The following COMMD6 variants were observed in gnomAD, a reference collection of about 807,000 sequenced individuals.
The protein encoded by COMMD6 is COMM domain-containing protein 6.
Under a neutral mutation model 13.4 loss-of-function variants are expected in COMMD6, and 11 were observed. That is an observed-to-expected ratio of 0.82 (90% CI 0.52 to 1.36). The LOEUF is 1.36. COMMD6 is among the 40% of genes most tolerant of loss of function. COMMD6 has a pLI of 0.00. For synonymous variants in COMMD6, 43 were observed against 36.5 expected, an observed-to-expected ratio of 1.18 and a Z score of -0.64; for missense variants, 124 against 102.4, an observed-to-expected ratio of 1.21 and a Z score of -0.91.
upstream of COMMD6, among the ~76,000 whole-genome samples, chr13:75,543,686 T>C (rs1418106727): frequency 1.3e-5 from 2 of 152,192 alleles, no homozygotes; most frequent in African/African-American, 4.8e-5. Context: ...GCTGTAAAAA[T>C]AGAGCTATCA....
intron 2 of COMMD6, chr13:75,537,448 G>A (rs1335377685): frequency 6.4e-7 from 1 of 1,551,278 alleles, no homozygotes; most frequent in African/African-American, 1.4e-5. Flanking sequence ...GCATTCTTCG[G>A]GCTAGTGCAG....
At chr13:75,537,939 T>G, upstream of COMMD6, 1 of 825,304 alleles carries the variant, frequency 1.2e-6, no homozygotes, top group Non-Finnish European at 1.9e-6. Flanking sequence ...AGCATCTTTA[T>G]GTGACTCATA....
chr13:75,544,999 G>A lies in COMMD6; in HGVS notation n.106+4324C>T, dbSNP rs1394304228. On this transcript the variant is annotated intron_variant and non_coding_transcript_variant, in intron 1 of 2. Transcript: ENST00000460675. ...TGGTTTAGAGAAACACAGCTAGATAGTCATGATTTCTGATCAAGTGTGGAG... is the reference window on the plus strand; with the variant it reads ...TGGTTTAGAGAAACACAGCTAGATAATCATGATTTCTGATCAAGTGTGGAG... Among the ~76,000 whole-genome samples, 4 of 151,420 alleles carry A rather than the reference G, an allele frequency of 2.6e-5. 1 individual carries two copies. In the Middle Eastern group the frequency reaches 0.01, roughly 392 times the overall value.
intron 3 of COMMD6, among the ~76,000 whole-genome samples, chr13:75,528,126 A>C (rs1189352598): frequency 6.6e-6 from 1 of 151,962 alleles, no homozygotes; most frequent in South Asian, 2.1e-4. Flanking sequence ...TACACAATGT[A>C]TATCTTTTAT....
chr13:75,547,610 C>T (rs2030925336), intron 1 of COMMD6, among the ~76,000 whole-genome samples: 1 of 152,168 alleles, frequency 6.6e-6, no homozygotes, highest in Admixed American at 6.5e-5. Flanking sequence ...CTGAGACATG[C>T]TGCCCTCAAT....
At chr13:75,540,771 T>C (rs1485048713), upstream of COMMD6, among the ~76,000 whole-genome samples, 3 of 152,220 alleles carry the variant, frequency 2.0e-5, no homozygotes, top group African/African-American at 7.2e-5. Flanking sequence ...GTAGAACATA[T>C]GTCAGAAAAT....
chr13:75,545,838 A>G (rs966186320), intron 1 of COMMD6, among the ~76,000 whole-genome samples: 1 of 152,144 alleles, frequency 6.6e-6, no homozygotes, highest in African/African-American at 2.4e-5. Context: ...TTGCAGGTGC[A>G]TGCATGAACT....
In COMMD6 at chr13:75,526,368, C is replaced by G. The variant is rs145257690; in HGVS notation, c.*221G>C. 39 of 462,228 alleles carry G rather than the reference C, an allele frequency of 8.4e-5. No individual in the cohort carries two copies. Among genetic ancestry groups the G allele is most frequent in the African/African-American group, 6.0e-4 (30 of 50,238 alleles). 28.6% of individuals were successfully genotyped at this position (462,228 alleles called of 1,614,324 possible). ...TTCACATTATCACCAAGTATATCCT[C>G]TAAAGTGTCTAATTATCACTTTTAT... On this transcript the variant is annotated 3_prime_UTR_variant, in exon 4 of 4. Transcript: ENST00000682242.
intron 3 of COMMD6, among the ~76,000 whole-genome samples, chr13:75,529,476 G>C (rs1392566522): frequency 2.7e-5 from 4 of 147,216 alleles, no homozygotes; most frequent in Admixed American, 2.1e-4. Flanking sequence ...AGCCAAGATC[G>C]TGCCACTGCA....
rs571411778 is a variant in COMMD6, at chr13:75,525,953, C to T, written c.*636G>A. The stretch of plus-strand genomic sequence containing the variant: ...ACTTGTGCTAACGGGTTAACTCCGT[C>T]GTACAGAACTCAGACTAAAACTCGT... On this transcript the variant is annotated 3_prime_UTR_variant, in exon 4 of 4. Coordinates refer to ENST00000682242, the MANE Select transcript of COMMD6 (RefSeq NM_203495.4). 1.3e-5 allele frequency: 2 copies of T among 152,300 alleles called. No homozygotes were observed. The highest frequency in any genetic ancestry group is 1.9e-4 in the East Asian group (1 of 5,188). The allele number at this position is 152,300 out of a possible 1,614,324, so 9.4% of individuals were successfully genotyped here.
At chr13:75,533,422 G>GC (rs1313571369) in intron 2 of COMMD6, among the ~76,000 whole-genome samples, 1 of 151,986 alleles carries the variant, frequency 6.6e-6, no homozygotes, top group Non-Finnish European at 1.5e-5. Flanking sequence ...ACAAAAAGTA[G>GC]CCAGGTGTGG....
At chr13:75,539,755 G>A (rs1011759678), upstream of COMMD6, among the ~76,000 whole-genome samples, 1 of 152,028 alleles carries the variant, frequency 6.6e-6, no homozygotes, top group Admixed American at 6.6e-5. Context: ...TCCCTGGCAT[G>A]TAGCACTCGG....
intron 1 of COMMD6, among the ~76,000 whole-genome samples, chr13:75,548,580 G>A (rs1274957199): frequency 1.3e-5 from 2 of 152,110 alleles, no homozygotes; most frequent in East Asian, 1.9e-4. Context: ...TCTTTAATCT[G>A]TGCCTTTCTC....
chr13:75,526,707 A>G (rs2030276817), intron 3 of COMMD6, 68 bp from the exon 4 acceptor site: 2 of 1,047,162 alleles, frequency 1.9e-6, no homozygotes, highest in Admixed American at 1.8e-5. Context: ...TATTTTAATT[A>G]TATCTGACTA....
At chr13:75,547,664 T>A (rs1401977656) in intron 1 of COMMD6, among the ~76,000 whole-genome samples, 1 of 152,192 alleles carries the variant, frequency 6.6e-6, no homozygotes. Context: ...GGTTAAACTG[T>A]ATAAACCATA....
rs140664266 is a variant in COMMD6, at chr13:75,535,340, A to T, written c.54+2324T>A. Among the ~76,000 whole-genome samples, 156 of 152,352 alleles carry T rather than the reference A, an allele frequency of 1.0e-3. 1 individual carries two copies. The highest frequency in any genetic ancestry group is 3.5e-3 in the African/African-American group (147 of 41,582). The stretch of plus-strand genomic sequence containing the variant: ...CCAGTGTGACAAGAATCTCTTAAAA[A>T]GCTCTGAGTAGCGGAGATACCTGGT... On this transcript the variant is annotated intron_variant, in intron 2 of 3. Transcript: ENST00000682242.
chr13:75,537,239 C>T (rs887539281), intron 2 of COMMD6: 59 of 1,333,072 alleles, frequency 4.4e-5, no homozygotes, highest in Non-Finnish European at 5.8e-5. Context: ...AAGTCAAATT[C>T]ATATTCCTAG....
upstream of COMMD6, among the ~76,000 whole-genome samples, chr13:75,540,373 G>GACACAC (rs2030810261): frequency 1.0e-5 from 1 of 97,460 alleles, no homozygotes; most frequent in Non-Finnish European, 2.3e-5. Context: ...CACACACACA[G>GACACAC]ACACACACCC....
chr13:75,538,411 A>G (rs1442963077), upstream of COMMD6, among the ~76,000 whole-genome samples: 3 of 152,220 alleles, frequency 2.0e-5, no homozygotes, highest in Non-Finnish European at 4.4e-5. Context: ...AAGTATCCAC[A>G]GTGATGTTTT....
Sources: gnomAD v4.1 joint callset for allele counts (sites outside exome capture counted in the v4.1 genomes callset) on GRCh38, gnomAD v4.1.1 for gene constraint, MANE v1.5 for transcripts, NCBI Gene and HGNC (gene_info 2026-07-23, HGNC 2026-07-21) for gene names.